Variants in SLC24A4 observed in about 807,000 individuals in gnomAD.
SLC24A4 encodes solute carrier family 24 member 4.
A neutral mutation model predicts 79.0 loss-of-function variants in SLC24A4; 53 were observed. The observed-to-expected ratio is 0.67, with a 90% CI of 0.54 to 0.84. The LOEUF is 0.84. SLC24A4 is among the 40% of genes least tolerant of loss of function. The pLI, the probability that SLC24A4 is intolerant of heterozygous loss-of-function variation, is 0.00. For missense variants in SLC24A4, 731 were observed against 822.0 expected, an observed-to-expected ratio of 0.89 and a Z score of 1.35; for synonymous variants, 323 against 323.8, an observed-to-expected ratio of 1.00 and a Z score of 0.03.
At chr14:92,370,157 T>C (rs558090199) in intron 2 of SLC24A4, among the ~76,000 whole-genome samples, 1 of 152,248 alleles carries the variant, frequency 6.6e-6, no homozygotes, top group African/African-American at 2.4e-5. Flanking sequence ...AGATAGCTTT[T>C]AAAAAATTGC....
chr14:92,332,834 G>A (rs1280398122), intron 2 of SLC24A4, among the ~76,000 whole-genome samples: 2 of 152,144 alleles, frequency 1.3e-5, no homozygotes, highest in Non-Finnish European at 2.9e-5. Context: ...AAAACAATTT[G>A]TCAGTTGAAT....
Position 92,498,541 on chromosome 14 carries a change from T to C in SLC24A4, c.*4913T>C, listed in dbSNP as rs1463569306. The C allele has an allele frequency of 3.3e-5, 5 of 149,906 alleles. No homozygotes were observed. Among genetic ancestry groups the C allele is most frequent in the Non-Finnish European group, 7.4e-5 (5 of 67,884 alleles). The allele number at this position is 149,906 out of a possible 1,614,324, so 9.3% of individuals were successfully genotyped here. ...TGAGACAGGGTCTCGCTCTGTCGCC[T>C]AGACTCAGTGCAGTGGCGCCATGTT... On this transcript the variant is annotated 3_prime_UTR_variant, in exon 17 of 17. Transcript: ENST00000532405.
intron 2 of SLC24A4, among the ~76,000 whole-genome samples, chr14:92,331,632 G>A (rs1387012230): frequency 6.6e-6 from 1 of 152,154 alleles, no homozygotes; most frequent in Non-Finnish European, 1.5e-5. Flanking sequence ...CCCCTAACTA[G>A]ACTATAAAAG....
chr14:92,360,691 C>T (rs925880411), intron 2 of SLC24A4, among the ~76,000 whole-genome samples: 1 of 152,220 alleles, frequency 6.6e-6, no homozygotes, highest in Non-Finnish European at 1.5e-5. Flanking sequence ...AATTTACATT[C>T]CCTCTTAATT....
intron 14 of SLC24A4, among the ~76,000 whole-genome samples, chr14:92,489,612 G>C (rs894280041): frequency 6.6e-6 from 1 of 152,036 alleles, no homozygotes; most frequent in Non-Finnish European, 1.5e-5. Flanking sequence ...CCTGGGAGCT[G>C]ATGAGAAATG....
intron 2 of SLC24A4, among the ~76,000 whole-genome samples, chr14:92,403,153 A>C (rs2141768525): frequency 6.6e-6 from 1 of 152,210 alleles, no homozygotes; most frequent in Non-Finnish European, 1.5e-5. Flanking sequence ...GATGCATGGC[A>C]CTTGTGATCT....
At chr14:92,493,189 G>A (rs1595368894) in intron 16 of SLC24A4, among the ~76,000 whole-genome samples, 2 of 152,126 alleles carry the variant, frequency 1.3e-5, no homozygotes, top group Non-Finnish European at 1.5e-5. Flanking sequence ...ACGACCAGCC[G>A]GGAGGAAGTG....
intron 2 of SLC24A4, among the ~76,000 whole-genome samples, chr14:92,388,837 A>G (rs1889310997): frequency 6.6e-6 from 1 of 152,114 alleles, no homozygotes; most frequent in African/African-American, 2.4e-5. Flanking sequence ...TGGCCCCCAG[A>G]CCAAAACTGG....
At chr14:92,449,814 T>C (rs1893034447) in intron 10 of SLC24A4, among the ~76,000 whole-genome samples, 1 of 152,176 alleles carries the variant, frequency 6.6e-6, no homozygotes. Context: ...AGCAGCCTCG[T>C]CTCCCCAGCG....
chr14:92,460,498 C>T (rs955957242), intron 12 of SLC24A4, among the ~76,000 whole-genome samples: 10 of 152,140 alleles, frequency 6.6e-5, no homozygotes, highest in South Asian at 4.2e-4. Context: ...GGGCCTGGGA[C>T]GATCTGTCAT....
chr14:92,450,304 C>A (rs1893062885), intron 10 of SLC24A4: 1 of 152,250 alleles, frequency 6.6e-6, no homozygotes, highest in African/African-American at 2.4e-5. Flanking sequence ...CATCCTGGAG[C>A]CGATGAAGGC....
At chr14:92,400,608 C>T (rs1465645683) in intron 2 of SLC24A4, among the ~76,000 whole-genome samples, 1 of 152,054 alleles carries the variant, frequency 6.6e-6, no homozygotes, top group Non-Finnish European at 1.5e-5. Context: ...CTTTGAACCC[C>T]AGTTAGGCAT....
chr14:92,418,689 TTTTGA>T (rs1476132857), intron 2 of SLC24A4, among the ~76,000 whole-genome samples: 1 of 152,016 alleles, frequency 6.6e-6, no homozygotes, highest in East Asian at 1.9e-4. Context: ...TTGTTTTTGT[TTTTGA>T]TTTGTTTTGT....
chr14:92,464,160 A>G (rs1165955897), intron 12 of SLC24A4, among the ~76,000 whole-genome samples: 6 of 152,230 alleles, frequency 3.9e-5, no homozygotes, highest in African/African-American at 1.2e-4. Flanking sequence ...AATGAAAGCA[A>G]TATTCTTTTA....
At chr14:92,492,940 G>A (rs757235419) in intron 16 of SLC24A4, 5 of 443,774 alleles carry the variant, frequency 1.1e-5, no homozygotes, top group South Asian at 7.8e-5. Flanking sequence ...ATAATTCCGT[G>A]CTTTAACCCT....
intron 2 of SLC24A4, among the ~76,000 whole-genome samples, chr14:92,410,522 C>T (rs1890650814): frequency 6.6e-6 from 1 of 152,154 alleles, no homozygotes; most frequent in Non-Finnish European, 1.5e-5. Context: ...CAAAAATTAC[C>T]ATGGATGCCC....
chr14:92,360,816 C>T (rs1887466165), intron 2 of SLC24A4, among the ~76,000 whole-genome samples: 1 of 152,230 alleles, frequency 6.6e-6, no homozygotes, highest in Admixed American at 6.5e-5. Context: ...TGCTGTCTCC[C>T]TTTCTACCCA....
At chr14:92,469,434 G>A (rs377511847) in intron 12 of SLC24A4, among the ~76,000 whole-genome samples, 29 of 152,032 alleles carry the variant, frequency 1.9e-4, no homozygotes, top group African/African-American at 5.8e-4. Flanking sequence ...GCATGAACCC[G>A]GGAGGCAGAG....
At chr14:92,477,139 A>G (rs1894809600) in intron 12 of SLC24A4, among the ~76,000 whole-genome samples, 1 of 152,180 alleles carries the variant, frequency 6.6e-6, no homozygotes, top group African/African-American at 2.4e-5. Context: ...ACCACTTTAC[A>G]TTCCTATCAG....
Sources: allele counts gnomAD v4.1 joint callset (sites outside exome capture counted in the v4.1 genomes callset), GRCh38; gene constraint gnomAD v4.1.1; transcripts MANE v1.5; gene names NCBI Gene and HGNC (gene_info 2026-07-23, HGNC 2026-07-21).